The following TRIM13 variants were observed in gnomAD, a reference collection of about 807,000 sequenced individuals.
The protein encoded by TRIM13 is tripartite motif containing 13, also known as E3 ubiquitin-protein ligase TRIM13.
In TRIM13, 15 loss-of-function variants were observed where a neutral mutation model predicts 27.1. The ratio of observed to expected loss-of-function variants is 0.55; its 90% CI spans 0.37 to 0.85. The LOEUF is 0.85. Among genes scored for constraint, TRIM13 ranks in the 40% least tolerant of loss-of-function variants. The probability of loss-of-function intolerance (pLI) is 0.00; values close to 1 mark genes in which losing one functional copy is unlikely to be tolerated. For missense variants in TRIM13, 402 were observed against 472.2 expected, an observed-to-expected ratio of 0.85 and a Z score of 1.38; for synonymous variants, 193 against 171.5, an observed-to-expected ratio of 1.13 and a Z score of -0.98.
At chr13:50,002,904 A>C (rs1874225566) in intron 1 of TRIM13, among the ~76,000 whole-genome samples, 2 of 152,062 alleles carry the variant, frequency 1.3e-5, no homozygotes, top group African/African-American at 4.8e-5. Flanking sequence ...CTCATGATCC[A>C]CCTGGCTCAG....
intron 1 of TRIM13, among the ~76,000 whole-genome samples, chr13:50,006,718 A>G (rs527613102): frequency 2.5e-4 from 38 of 152,228 alleles, no homozygotes; most frequent in African/African-American, 8.4e-4. Flanking sequence ...TCTCTTTCCA[A>G]TGCTTTTCAG....
chr13:50,009,020 C>CAAAAAAAA (rs35407149), intron 1 of TRIM13, among the ~76,000 whole-genome samples: 2 of 68,058 alleles, frequency 2.9e-5, no homozygotes, highest in South Asian at 6.6e-4. Context: ...AAAGCTGTCT[C>CAAAAAAAA]AAAAAAAAAA....
chr13:50,010,030 G>T (rs566287896), intron 1 of TRIM13, among the ~76,000 whole-genome samples: 1 of 148,494 alleles, frequency 6.7e-6, no homozygotes, highest in Admixed American at 6.8e-5. Flanking sequence ...GCCTTTTCAG[G>T]TAATTTAATC....
rs1229840777 is a variant in TRIM13 at position 50,014,358 on chromosome 13, TATACACAC to T, written c.*1196_*1203del. ...AAAAAAAAAAAAATATATATATATA[TATACACAC>T]ACACACACACATATGTACACATACA... On this transcript the variant is annotated 3_prime_UTR_variant, in exon 2 of 2. Transcript: ENST00000378182. 6.1e-5 allele frequency: 4 copies of T among 65,742 alleles called. No individual in the cohort carries two copies. Among genetic ancestry groups the T allele is most frequent in the South Asian group, 6.2e-4 (1 of 1,606 alleles). 4.1% of individuals were successfully genotyped at this position (65,742 alleles called of 1,614,324 possible).
Position 50,012,558 on chromosome 13 carries a change from C to A in TRIM13, c.618C>A (p.Thr206=). ...KKNEILSDFE[T]MKLAVMQAYD... ...ATGAAATTCTGTCTGACTTTGAGAC[C>A]ATGAAACTTGCTGTTATGCAAGCAT... is the stretch of plus-strand genomic sequence containing the variant. Residue 206 remains threonine, a synonymous_variant, in exon 2 of 2, where the codon ACC becomes ACA. Coordinates refer to ENST00000378182, the MANE Select transcript of TRIM13 (RefSeq NM_213590.3). 6.2e-7 allele frequency: 1 copy of A among 1,614,042 alleles called. No homozygotes were observed. The highest frequency in any genetic ancestry group is 8.5e-7 in the Non-Finnish European group (1 of 1,180,004).
rs1287114642 is a variant in TRIM13, at chr13:50,015,093, AAATATATATATATATATATAT to A, written c.*1931_*1951del. ...CCAGTAATAAAAAAAAAAAAAAAAA[AAATATATATATATATATATAT>A]ATATATATATATATATATATATATA... On this transcript the variant is annotated 3_prime_UTR_variant, in exon 2 of 2. Transcript: ENST00000378182. The A allele has an allele frequency of 4.9e-4, 7 of 14,206 alleles. No homozygotes were observed. The East Asian group carries it at 0.011, about 22-fold the overall frequency. The allele number at this position is 14,206 out of a possible 1,614,324, so 0.9% of individuals were successfully genotyped here.
intron 1 of TRIM13, among the ~76,000 whole-genome samples, chr13:50,006,656 C>T (rs1015981370): frequency 6.6e-6 from 1 of 152,062 alleles, no homozygotes; most frequent in Non-Finnish European, 1.5e-5. Context: ...TGTCTTACAG[C>T]TGTGTGGTAA....
chr13:50,007,969 G>T (rs1268452957), intron 1 of TRIM13, among the ~76,000 whole-genome samples: 1 of 151,004 alleles, frequency 6.6e-6, no homozygotes, highest in East Asian at 2.0e-4. Context: ...CAGTGGCGCT[G>T]TCTCGGCTAA....
At position 49,997,430 on chromosome 13, in the gene TRIM13, A is replaced by G. The variant is rs1017745079; in HGVS notation, c.-340A>G. ...GCGTCTCCACATCCCCTAGAAAAGAAAAGACGGGTGTGGGCCTTAGGTTAC... is the reference window on the plus strand; with the variant it reads ...GCGTCTCCACATCCCCTAGAAAAGAGAAGACGGGTGTGGGCCTTAGGTTAC... On this transcript the variant is annotated 5_prime_UTR_variant, in exon 1 of 2. Coordinates refer to ENST00000378182, the MANE Select transcript of TRIM13 (RefSeq NM_213590.3). The G allele has an allele frequency of 2.0e-5, 3 of 152,126 alleles. No individual in the cohort carries two copies. The highest frequency in any genetic ancestry group is 7.2e-5 in the African/African-American group (3 of 41,398). 9.4% of individuals were successfully genotyped at this position (152,126 alleles called of 1,614,324 possible).
At chr13:49,998,361 C>T (rs2138325635) in intron 1 of TRIM13, among the ~76,000 whole-genome samples, 1 of 152,312 alleles carries the variant, frequency 6.6e-6, no homozygotes, top group Middle Eastern at 3.4e-3. Flanking sequence ...AATTCTGTCA[C>T]AGCTTTTGTT....
chr13:50,016,151 T>A lies in TRIM13; in HGVS notation c.*2987T>A. The A allele has an allele frequency of 1.2e-6, 1 of 855,764 alleles. No homozygotes were observed. Among genetic ancestry groups the A allele is most frequent in the Non-Finnish European group, 1.8e-6 (1 of 545,298 alleles). 53.0% of individuals were successfully genotyped at this position (855,764 alleles called of 1,614,324 possible). A position where few individuals can be genotyped will look rare whatever the true frequency, so the allele number is the denominator to read the frequency against. ...AAAAACTTGAAGTTCCTCAGGCCTG[T>A]AACTTCTGGAAAAGATGATTATTCA... On this transcript the variant is annotated 3_prime_UTR_variant, in exon 2 of 2. Coordinates refer to ENST00000378182, the MANE Select transcript of TRIM13 (RefSeq NM_213590.3).
At chr13:50,000,627 C>T (rs928883826) in intron 1 of TRIM13, among the ~76,000 whole-genome samples, 3 of 152,174 alleles carry the variant, frequency 2.0e-5, no homozygotes, top group African/African-American at 7.2e-5. Context: ...ATTATGCTAC[C>T]AGTTCTGTTA....
chr13:50,013,230 G>C lies in TRIM13; in HGVS notation c.*66G>C. The C allele has an allele frequency of 1.4e-6, 2 of 1,446,888 alleles. No homozygotes were observed. Among genetic ancestry groups the C allele is most frequent in the Admixed American group, 2.5e-5 (1 of 40,308 alleles). 89.6% of individuals were successfully genotyped at this position (1,446,888 alleles called of 1,614,324 possible). A position where few individuals can be genotyped will look rare whatever the true frequency, so the allele number is the denominator to read the frequency against. ...TTAGAGAATAGAGAGTGGTAATTCA[G>C]ATTTGGTCAACGATTCTAGTCACAT... On this transcript the variant is annotated 3_prime_UTR_variant, in exon 2 of 2. Coordinates refer to ENST00000378182, the MANE Select transcript of TRIM13 (RefSeq NM_213590.3).
In TRIM13 at chr13:50,012,721, G is replaced by C. The variant is rs774536181; in HGVS notation, c.781G>C (p.Val261Leu). 6.2e-7 allele frequency: 1 copy of C among 1,614,044 alleles called. No homozygotes were observed. Among genetic ancestry groups the C allele is most frequent in the African/African-American group, 1.3e-5 (1 of 75,030 alleles). The change falls in exon 2 of 2, where the codon GTA becomes CTA. Residue 261 changes from valine to leucine, a missense_variant. Around this residue, in one of 2 missense-constraint regions of TRIM13, gnomAD observed 200 missense variants for 194.7 expected, o/e 1.03. Coordinates refer to ENST00000378182, the MANE Select transcript of TRIM13 (RefSeq NM_213590.3). ...GCAGGAGTTTAGAGAGAAAATCAAA[G>C]TAATCAAGGAAACTCCTTTACCTCC... The part of the protein sequence containing the change: ...QMQEFREKIK[V>L]IKETPLPPSN...
intron 1 of TRIM13, among the ~76,000 whole-genome samples, 171 bp downstream of exon 1, chr13:49,997,934 C>G (rs1016961347): frequency 1.3e-5 from 2 of 152,126 alleles, no homozygotes; most frequent in South Asian, 4.1e-4. Context: ...AAACAGAATT[C>G]ACGTTTAGCA....
chr13:49,999,504 A>G (rs533429152), intron 1 of TRIM13, among the ~76,000 whole-genome samples: 18 of 152,232 alleles, frequency 1.2e-4, no homozygotes, highest in African/African-American at 3.9e-4. Context: ...CCCCCAGGCA[A>G]TGGAGCCATT....
At position 50,015,672 on chromosome 13, in the gene TRIM13, T is replaced by C; in HGVS notation, c.*2508T>C. The C allele has an allele frequency of 1.2e-6, 2 of 1,614,160 alleles. No homozygotes were observed. The highest frequency in any genetic ancestry group is 3.3e-5 in the Admixed American group (2 of 60,016). On this transcript the variant is annotated 3_prime_UTR_variant, in exon 2 of 2. Coordinates refer to ENST00000378182, the MANE Select transcript of TRIM13 (RefSeq NM_213590.3). ...GACAGAGATGGTGATTTGTTTAGTT[T>C]CATCTTAGATTTTTTGAGAACTCAC...
At position 50,012,412 on chromosome 13, in the gene TRIM13, C is replaced by A. The variant is rs748395568; in HGVS notation, c.472C>A (p.Leu158Ile). Residue 158 changes from leucine (L) to isoleucine (I), a missense_variant, in exon 2 of 2, where the codon CTT becomes ATT. By Grantham distance (5) the Leu-to-Ile change is conservative. This residue lies in a region of TRIM13 where 202 missense variants were observed against 277.5 expected (regional missense o/e 0.73). Transcript: ENST00000378182. The stretch of plus-strand genomic sequence containing the variant: ...TGAGACCTGGCGTCGGGGAGATGCT[C>A]TTTCTCGCTTGGATACCTTGGAAAC... The part of the protein sequence containing the change: ...SFETWRRGDA[L>I]SRLDTLETSK... 29 of 1,613,934 alleles carry A rather than the reference C, an allele frequency of 1.8e-5. No homozygotes were observed. The highest frequency in any genetic ancestry group is 1.5e-5 in the Non-Finnish European group (18 of 1,179,994).
At chr13:50,004,474 C>A (rs535348729) in intron 1 of TRIM13, among the ~76,000 whole-genome samples, 2 of 151,836 alleles carry the variant, frequency 1.3e-5, no homozygotes, top group Non-Finnish European at 2.9e-5. Flanking sequence ...AAAAAAACAA[C>A]AAAACAGACT....
Sources: gnomAD v4.1 joint callset for allele counts (sites outside exome capture counted in the v4.1 genomes callset) on GRCh38, gnomAD v4.1.1 for gene constraint, gnomAD v4.1.1 regional missense constraint, MANE v1.5 for transcripts, NCBI Gene and HGNC (gene_info 2026-07-23, HGNC 2026-07-21) for gene names.